Variants in GON4L observed in about 807,000 individuals in gnomAD.
GON4L encodes the protein GON-4-like protein.
In GON4L, 87 loss-of-function variants were observed where a neutral mutation model predicts 211.8. That is an observed-to-expected ratio of 0.41 (90% CI 0.35 to 0.49). GON4L has a LOEUF of 0.49. Ranked by LOEUF, GON4L falls within the 20% of genes least tolerant of loss-of-function variation. GON4L has a pLI of 0.15. For missense variants in GON4L, 2,155 were observed against 2,659.5 expected (o/e 0.81, Z 4.17); for synonymous variants, 875 against 962.6 (o/e 0.91, Z 1.68).
At chr1:155,820,989 G>A (rs563140784) in intron 5 of GON4L, among the ~76,000 whole-genome samples, 45 of 152,094 alleles carry the variant, frequency 3.0e-4, no homozygotes, top group South Asian at 2.1e-3. Context: ...TAACAAGGCC[G>A]GGCGCGGTGG....
chr1:155,765,753 A>C lies in GON4L; in HGVS notation c.3720T>G (p.Asn1240Lys). The change falls in exon 21 of 32, where the codon AAT (asparagine) becomes AAG (lysine). Residue 1240 changes from asparagine to lysine, a missense_variant. Coordinates refer to ENST00000368331, the MANE Select transcript of GON4L (RefSeq NM_001282860.2). ...ATTTGGGTTCTAGGCCCTGAAAGGCATTTTCCCCATCAGCCACAGCACAAG... is the reference window on the plus strand; with the variant it reads ...ATTTGGGTTCTAGGCCCTGAAAGGCCTTTTCCCCATCAGCCACAGCACAAG... Reference protein sequence around the residue: ...DIACAVADGENAFQGLEPKLE... With the variant: ...DIACAVADGEKAFQGLEPKLE... 6.2e-7 allele frequency: 1 copy of C among 1,614,138 alleles called. No individual in the cohort carries two copies. Among genetic ancestry groups the C allele is most frequent in the East Asian group, 2.2e-5 (1 of 44,878 alleles).
chr1:155,764,947 T>G, intron 21 of GON4L, 53 bp downstream of exon 21: 3 of 1,613,960 alleles, frequency 1.9e-6, no homozygotes, highest in Non-Finnish European at 2.5e-6. Context: ...TATCAATAAG[T>G]GATACATATT....
chr1:155,780,224 T>C (rs920757478), intron 14 of GON4L, among the ~76,000 whole-genome samples: 4 of 152,248 alleles, frequency 2.6e-5, no homozygotes, highest in African/African-American at 9.6e-5. Context: ...GTATATCCTT[T>C]TCCTGCTTCA....
chr1:155,774,412 G>A (rs1033413666), intron 17 of GON4L, among the ~76,000 whole-genome samples: 6 of 151,168 alleles, frequency 4.0e-5, no homozygotes, highest in East Asian at 2.0e-4. Context: ...GGGTTCAAGC[G>A]ATTCTCCTGC....
intron 2 of GON4L, among the ~76,000 whole-genome samples, chr1:155,851,734 A>G (rs1671816642): frequency 6.6e-6 from 1 of 151,438 alleles, no homozygotes; most frequent in South Asian, 2.1e-4. Flanking sequence ...AATGAATAAG[A>G]GAAGTTGGTA....
chr1:155,776,196 A>G (rs1663801761), intron 16 of GON4L, among the ~76,000 whole-genome samples, 199 bp downstream of exon 16: 1 of 152,080 alleles, frequency 6.6e-6, no homozygotes, highest in African/African-American at 2.4e-5. Context: ...AATTGAATAC[A>G]CTCCTTGTCC....
intron 14 of GON4L, among the ~76,000 whole-genome samples, chr1:155,782,889 C>G (rs1051545395): frequency 6.6e-6 from 1 of 152,036 alleles, no homozygotes; most frequent in Non-Finnish European, 1.5e-5. Context: ...CGACTCCTAA[C>G]CTGAGGTGAT....
At position 155,774,864 on chromosome 1, in the gene GON4L, A is replaced by G. The variant is rs1663616848; in HGVS notation, c.2350+138T>C. On this transcript the variant is annotated intron_variant, in intron 17 of 31. Coordinates refer to ENST00000368331, the MANE Select transcript of GON4L (RefSeq NM_001282860.2). ...CTTGGATAATGAGTACAAAGGGAGGATAAAAGAGAGAAGGAAGAAATTACA... is the reference window on the plus strand; with the variant it reads ...CTTGGATAATGAGTACAAAGGGAGGGTAAAAGAGAGAAGGAAGAAATTACA... 5 of 909,842 alleles carry G rather than the reference A, an allele frequency of 5.5e-6. No individual in the cohort carries two copies. In the South Asian group the frequency reaches 5.8e-5, roughly 11 times the overall value. The allele number at this position is 909,842 out of a possible 1,614,324, so 56.4% of individuals were successfully genotyped here.
At chr1:155,769,362 C>G (rs892851550) in intron 19 of GON4L, among the ~76,000 whole-genome samples, 1 of 152,092 alleles carries the variant, frequency 6.6e-6, no homozygotes, top group African/African-American at 2.4e-5. Flanking sequence ...AACAAAAACA[C>G]AGATGTAGAA....
intron 2 of GON4L, among the ~76,000 whole-genome samples, chr1:155,836,335 G>A (rs1439254072): frequency 1.1e-4 from 15 of 141,930 alleles, no homozygotes; most frequent in Admixed American, 7.4e-4. Flanking sequence ...CTGCAACCTC[G>A]CCTCCCGGGT....
intron 19 of GON4L, among the ~76,000 whole-genome samples, chr1:155,768,748 C>T (rs1557841428): frequency 6.6e-6 from 1 of 151,966 alleles, no homozygotes; most frequent in East Asian, 1.9e-4. Flanking sequence ...CCATTTAACT[C>T]TTGAATATTC....
chr1:155,776,758 G>T (rs1003302483), intron 15 of GON4L, among the ~76,000 whole-genome samples: 12 of 152,048 alleles, frequency 7.9e-5, no homozygotes, highest in African/African-American at 2.9e-4. Flanking sequence ...TCACTATGTT[G>T]CTCAGGTTGC....
intron 2 of GON4L, among the ~76,000 whole-genome samples, chr1:155,832,637 TCAAAAA>T (rs1468787877): frequency 6.6e-6 from 1 of 152,142 alleles, no homozygotes; most frequent in Non-Finnish European, 1.5e-5. Context: ...AGACTCTGTC[TCAAAAA>T]CAAACAAACA....
intron 2 of GON4L, 145 bp from the exon 3 acceptor site, chr1:155,827,173 C>A (rs1306951574): frequency 1.5e-6 from 1 of 688,426 alleles, no homozygotes; most frequent in South Asian, 1.7e-5. Context: ...TCTCTTAAAT[C>A]AAAGCTCAGA....
chr1:155,808,593 A>C (rs1667381836), intron 10 of GON4L, among the ~76,000 whole-genome samples: 1 of 151,994 alleles, frequency 6.6e-6, no homozygotes, highest in Non-Finnish European at 1.5e-5. Context: ...TTCGGATCTC[A>C]GTTTAAATGC....
intron 29 of GON4L, 21 bp downstream of exon 29, chr1:155,753,183 C>G: frequency 6.4e-7 from 1 of 1,558,060 alleles, no homozygotes; most frequent in Non-Finnish European, 8.8e-7. Flanking sequence ...AACAGAAGGG[C>G]TGCGTTGGCA....
At chr1:155,856,768 G>A (rs1045718632) in intron 1 of GON4L, among the ~76,000 whole-genome samples, 2 of 151,522 alleles carry the variant, frequency 1.3e-5, no homozygotes, top group Admixed American at 1.3e-4. Context: ...GGGAAAAAAA[G>A]AAAAAGAAAG....
downstream of GON4L, chr1:155,747,743 G>C: frequency 6.2e-7 from 1 of 1,613,828 alleles, no homozygotes; most frequent in South Asian, 1.1e-5. Flanking sequence ...ACTATCTTTC[G>C]TCACTCACCC....
intron 22 of GON4L, 45 bp from the exon 23 acceptor site, chr1:155,762,419 T>G (rs1267687949): frequency 2.0e-6 from 3 of 1,503,726 alleles, no homozygotes; most frequent in Non-Finnish European, 2.7e-6. Context: ...CCCTGCAACC[T>G]GTGTTCTTCC....
Sources: allele counts gnomAD v4.1 joint callset (sites outside exome capture counted in the v4.1 genomes callset), GRCh38; gene constraint gnomAD v4.1.1; transcripts MANE v1.5; gene names NCBI Gene and HGNC (gene_info 2026-07-23, HGNC 2026-07-21).